The following PAFAH1B1 variants were observed in gnomAD, a reference collection of about 807,000 sequenced individuals.
The protein encoded by PAFAH1B1 is platelet-activating factor acetylhydrolase IB subunit beta.
A neutral mutation model predicts 57.5 loss-of-function variants in PAFAH1B1; 2 were observed. That is an observed-to-expected ratio of 0.03 (90% CI 0.01 to 0.11). PAFAH1B1 has a LOEUF of 0.11. Ranked by LOEUF, PAFAH1B1 falls within the 10% of genes least tolerant of loss-of-function variation. PAFAH1B1 has a pLI of 1.00. For synonymous variants in PAFAH1B1, 152 were observed against 169.6 expected (o/e 0.90, Z 0.81); for missense variants, 257 against 512.0 (o/e 0.50, Z 4.81).
intron 1 of PAFAH1B1, among the ~76,000 whole-genome samples, chr17:2,597,768 C>G (rs2068100223): frequency 7.1e-6 from 1 of 141,708 alleles, no homozygotes; most frequent in African/African-American, 2.6e-5. Flanking sequence ...TACTAAGTAA[C>G]AGAGAGACAG....
At chr17:2,631,016 G>A (rs1270858268) in intron 1 of PAFAH1B1, among the ~76,000 whole-genome samples, 1 of 152,158 alleles carries the variant, frequency 6.6e-6, no homozygotes, top group Non-Finnish European at 1.5e-5. Flanking sequence ...CTGAGGTGGT[G>A]GATCACCTGA....
At chr17:2,655,866 A>G (rs529034450) in intron 2 of PAFAH1B1, among the ~76,000 whole-genome samples, 2 of 151,868 alleles carry the variant, frequency 1.3e-5, no homozygotes, top group Admixed American at 6.6e-5. Flanking sequence ...AGTAGCTTCT[A>G]TTTTCTGTGT....
chr17:2,675,708 G>A (rs1325865445), intron 8 of PAFAH1B1, among the ~76,000 whole-genome samples: 1 of 151,716 alleles, frequency 6.6e-6, no homozygotes, highest in African/African-American at 2.4e-5. Context: ...AGGTGTGGTG[G>A]TACACTCCTG....
chr17:2,625,754 C>T (rs945401606), intron 1 of PAFAH1B1, among the ~76,000 whole-genome samples: 1 of 152,166 alleles, frequency 6.6e-6, no homozygotes, highest in East Asian at 1.9e-4. Context: ...AGCGGGACCC[C>T]GTCTCTAGCG....
chr17:2,638,429 C>A, intron 2 of PAFAH1B1, 109 bp downstream of exon 2: 1 of 859,370 alleles, frequency 1.2e-6, no homozygotes, highest in Non-Finnish European at 1.9e-6. Flanking sequence ...ACTATTTTTA[C>A]CAGTGTTCCA....
At chr17:2,656,152 C>G (rs942287863) in intron 2 of PAFAH1B1, among the ~76,000 whole-genome samples, 30 of 152,118 alleles carry the variant, frequency 2.0e-4, no homozygotes, top group Non-Finnish European at 1.5e-5. Context: ...TCTCGAACTC[C>G]TAACCTCGTG....
Position 2,654,879 on chromosome 17 carries a change from C to T in PAFAH1B1, c.33-10493C>T, listed in dbSNP as rs555044889. Among the ~76,000 whole-genome samples, 16 of 151,664 alleles carry T rather than the reference C, an allele frequency of 1.1e-4. No individual in the cohort carries two copies. The South Asian group carries it at 2.7e-3, about 26-fold the overall frequency. ...CTGGTCTTGAACTCCTGGGCTCAAG[C>T]AGTCTGCCTGCCTCAGCCTCTCGAA... On this transcript the variant is annotated intron_variant, in intron 2 of 10. Transcript: ENST00000397195.
intron 1 of PAFAH1B1, among the ~76,000 whole-genome samples, chr17:2,603,780 G>A (rs1175446447): frequency 1.4e-5 from 2 of 146,872 alleles, no homozygotes. Context: ...TCTCTCTGTC[G>A]CCTAGACTGG....
chr17:2,662,674 G>A lies in PAFAH1B1; in HGVS notation c.33-2698G>A, dbSNP rs191162722. ...CCCTCCTGGGCCTCCCAAAGTGCTGGAATTACATGCGTAGGCCACTGCGCC... is the reference window on the plus strand; with the variant it reads ...CCCTCCTGGGCCTCCCAAAGTGCTGAAATTACATGCGTAGGCCACTGCGCC... On this transcript the variant is annotated intron_variant, in intron 2 of 10. Transcript: ENST00000397195. 1.2e-3 allele frequency among the ~76,000 whole-genome samples: 190 copies of A among 152,112 alleles called. 3 individuals are homozygous for A. The highest frequency in any genetic ancestry group is 0.012 in the South Asian group (58 of 4,804).
rs34442256 is a variant in PAFAH1B1, at chr17:2,599,971, CTTT to C, written c.-191+5988_-191+5990del. ...CAGTGCAGATTAATCCATTTTTAAC[CTTT>C]TTTTTTTTTTTTTTTTTTTTTTGAG... On this transcript the variant is annotated intron_variant, in intron 1 of 10. Transcript: ENST00000397195. 7.8e-3 allele frequency among the ~76,000 whole-genome samples: 644 copies of C among 82,754 alleles called. 1 individual carries two copies. Among genetic ancestry groups the C allele is most frequent in the South Asian group, 0.012 (25 of 2,024 alleles). The allele number at this position is 82,754 out of a possible 152,430, so 54.3% of individuals were successfully genotyped here.
At chr17:2,593,461 C>G (rs998362540), upstream of PAFAH1B1, 61 of 152,858 alleles carry the variant, frequency 4.0e-4, no homozygotes, top group African/African-American at 1.4e-3. Flanking sequence ...CGCCCGCCGG[C>G]CGGGTGGCAC....
At chr17:2,642,880 AT>A (rs1017546410) in intron 2 of PAFAH1B1, among the ~76,000 whole-genome samples, 1 of 151,932 alleles carries the variant, frequency 6.6e-6, no homozygotes, top group African/African-American at 2.4e-5. Context: ...CCTATCTTTA[AT>A]TTTTTTAATA....
At chr17:2,659,448 A>G in intron 2 of PAFAH1B1, 1 of 285,818 alleles carries the variant, frequency 3.5e-6, no homozygotes, top group Admixed American at 4.1e-5. Flanking sequence ...GAGCCAGGAG[A>G]ATCGTGAGGT....
chr17:2,619,592 G>T (rs1276971772), intron 1 of PAFAH1B1, among the ~76,000 whole-genome samples: 4 of 150,048 alleles, frequency 2.7e-5, no homozygotes, highest in Non-Finnish European at 4.4e-5. Flanking sequence ...CTGGGGTCTT[G>T]ACTTAAAGTT....
At chr17:2,673,678 A>G (rs1408720337) in intron 7 of PAFAH1B1, 13 of 214,092 alleles carry the variant, frequency 6.1e-5, no homozygotes, top group South Asian at 1.4e-4. Context: ...TTGTGCTGGT[A>G]TACCTCTGTT....
chr17:2,684,306 C>CTT lies in PAFAH1B1; in HGVS notation c.*2506_*2507dup, dbSNP rs2069435871. 6.5e-6 allele frequency: 1 copy of CTT among 152,762 alleles called. No homozygotes were observed. The highest frequency in any genetic ancestry group is 1.5e-5 in the Non-Finnish European group (1 of 68,154). 9.5% of individuals were successfully genotyped at this position (152,762 alleles called of 1,614,324 possible). A position where few individuals can be genotyped will look rare whatever the true frequency, so the allele number is the denominator to read the frequency against. ...TGTCTGACACTGTCCTGTTGATGCC[C>CTT]TTTCTGACTGTGTTCTCTGTTTTCT... On this transcript the variant is annotated 3_prime_UTR_variant, in exon 11 of 11. Transcript: ENST00000397195.
At chr17:2,655,243 T>G (rs1227325754) in intron 2 of PAFAH1B1, among the ~76,000 whole-genome samples, 1 of 151,680 alleles carries the variant, frequency 6.6e-6, no homozygotes, top group Non-Finnish European at 1.5e-5. Flanking sequence ...TAGGCATCTA[T>G]AAAGATGATC....
intron 6 of PAFAH1B1, among the ~76,000 whole-genome samples, chr17:2,671,321 G>A (rs190894494): frequency 7.3e-5 from 11 of 150,724 alleles, no homozygotes; most frequent in Admixed American, 6.6e-4. Context: ...TGATTCTCCT[G>A]CCTCAGCCTC....
chr17:2,674,396 A>C, intron 8 of PAFAH1B1, 108 bp downstream of exon 8: 1 of 787,574 alleles, frequency 1.3e-6, no homozygotes, highest in Admixed American at 2.0e-5. Context: ...AAAAATCTGC[A>C]TCCAGCAATT....
Sources: gnomAD v4.1 joint callset for allele counts (sites outside exome capture counted in the v4.1 genomes callset) on GRCh38, gnomAD v4.1.1 for gene constraint, MANE v1.5 for transcripts, NCBI Gene and HGNC (gene_info 2026-07-23, HGNC 2026-07-21) for gene names.